Variants in QRICH1 observed in about 807,000 individuals in gnomAD.
QRICH1 encodes the protein transcriptional regulator QRICH1.
In QRICH1, 16 loss-of-function variants were observed where a neutral mutation model predicts 87.1. That is an observed-to-expected ratio of 0.18 (90% CI 0.12 to 0.28). QRICH1 has a LOEUF of 0.28. Ranked by LOEUF, QRICH1 falls within the 10% of genes least tolerant of loss-of-function variation. QRICH1 has a pLI of 1.00. For synonymous variants in QRICH1, 367 were observed against 368.4 expected (o/e 1.00, Z 0.05); for missense variants, 647 against 951.7 (o/e 0.68, Z 4.21).
chr3:49,048,112 GACA>G (rs1046245337), intron 3 of QRICH1, among the ~76,000 whole-genome samples: 4 of 146,840 alleles, frequency 2.7e-5, no homozygotes, highest in Admixed American at 7.1e-5. Flanking sequence ...TAGGAACTGA[GACA>G]ACATTTCTTT....
At chr3:49,093,884 G>A (rs1421279855) in intron 1 of QRICH1, 28 bp downstream of exon 1, 16 of 148,070 alleles carry the variant, frequency 1.1e-4, no homozygotes, top group Admixed American at 2.2e-4. Flanking sequence ...CAGCTTCGCC[G>A]CATCCCCACC....
chr3:49,090,287 G>A lies in QRICH1; in HGVS notation c.-22+3625C>T, dbSNP rs151280642. Among the ~76,000 whole-genome samples, 6 of 152,268 alleles carry A rather than the reference G, an allele frequency of 3.9e-5. No homozygotes were observed. In the East Asian group the frequency reaches 9.6e-4, roughly 24 times the overall value. Reference sequence around the variant, plus strand: ...ATGCTGGCTAACACGGTGAAACCCCGTCTCTACTAAAACTACAAAAAATTA... The same window carrying A: ...ATGCTGGCTAACACGGTGAAACCCCATCTCTACTAAAACTACAAAAAATTA... On this transcript the variant is annotated intron_variant, in intron 1 of 9. Transcript: ENST00000395443.
chr3:49,044,251 T>C (rs1042416042), intron 6 of QRICH1, 139 bp downstream of exon 6: 6 of 691,254 alleles, frequency 8.7e-6, no homozygotes, highest in African/African-American at 7.4e-5. Flanking sequence ...TCAGGGCAAG[T>C]AGCACAGTGG....
chr3:49,057,743 T>C lies in QRICH1; in HGVS notation c.457A>G (p.Thr153Ala), dbSNP rs921374334. ...APQSAAPSIQTPSLQSPSPSQ... is the reference protein window; with the variant it reads ...APQSAAPSIQAPSLQSPSPSQ... ...GGACTGGGACTCTGCAGAGACGGGG[T>C]CTGAATGGAGGGGGCTGCTGACTGT... is the stretch of plus-strand genomic sequence containing the variant. Residue 153 changes from threonine (T) to alanine (A), a missense_variant, in exon 3 of 10, where the codon ACC becomes GCC. Thr to Ala is a moderately conservative substitution (Grantham distance 58). Coordinates refer to ENST00000395443, the MANE Select transcript of QRICH1 (RefSeq NM_198880.3). The surrounding 1 kb of genome is among the most constrained non-coding windows in gnomAD (Gnocchi z 5.4). 2.7e-5 allele frequency: 44 copies of C among 1,613,766 alleles called. No individual in the cohort carries two copies. The highest frequency in any genetic ancestry group is 3.6e-5 in the Non-Finnish European group (43 of 1,179,970).
intron 2 of QRICH1, among the ~76,000 whole-genome samples, chr3:49,058,654 G>A (rs574891471): frequency 4.0e-5 from 6 of 151,264 alleles, no homozygotes; most frequent in African/African-American, 1.2e-4. Flanking sequence ...TTGAGGCGGA[G>A]TTTTGCTCTT....
intron 3 of QRICH1, among the ~76,000 whole-genome samples, chr3:49,049,336 T>C (rs1180893508): frequency 6.6e-6 from 1 of 151,748 alleles, no homozygotes; most frequent in Admixed American, 6.6e-5. Context: ...TCTCAGCTAC[T>C]TGGGAGGCTG....
chr3:49,086,387 G>A (rs1167169697), intron 1 of QRICH1, among the ~76,000 whole-genome samples: 5 of 151,702 alleles, frequency 3.3e-5, no homozygotes, highest in African/African-American at 7.3e-5. Flanking sequence ...CTCCCAAGTA[G>A]CTGGGACTAC....
chr3:49,083,645 C>T (rs1374250598), intron 1 of QRICH1: 1 of 152,130 alleles, frequency 6.6e-6, no homozygotes, highest in East Asian at 1.9e-4. Flanking sequence ...CGCCTGTAGT[C>T]CCAGCTACTT....
chr3:49,040,605 T>C (rs2093304327), intron 6 of QRICH1, among the ~76,000 whole-genome samples: 2 of 152,298 alleles, frequency 1.3e-5, no homozygotes, highest in East Asian at 1.9e-4. Context: ...CTCAAAAAAT[T>C]TGTCTAACCA....
rs139938550 is a variant in QRICH1, at chr3:49,076,916, C to T, written c.102G>A (p.Leu34=). ...QHRMKEFLDS[L]ASKGPEALQE... The stretch of plus-strand genomic sequence containing the variant: ...GAAGGGCTTCTGGCCCCTTAGAGGC[C>T]AGTGAGTCCAGAAATTCCTTCATCC... The change falls in exon 2 of 10, where the codon CTG becomes CTA. Residue 34 remains leucine (L), a synonymous_variant. Transcript: ENST00000395443. 8.1e-6 allele frequency: 13 copies of T among 1,613,172 alleles called. No individual in the cohort carries two copies. Among genetic ancestry groups the T allele is most frequent in the African/African-American group, 1.3e-5 (1 of 74,892 alleles).
At chr3:49,053,304 TG>T (rs2093382107) in intron 3 of QRICH1, among the ~76,000 whole-genome samples, 1 of 151,920 alleles carries the variant, frequency 6.6e-6, no homozygotes, top group African/African-American at 2.4e-5. Flanking sequence ...CTGACTAACA[TG>T]GTGAAACCTT....
chr3:49,045,965 GAGTA>G (rs1194622080), intron 5 of QRICH1, among the ~76,000 whole-genome samples: 1 of 150,842 alleles, frequency 6.6e-6, no homozygotes, highest in African/African-American at 2.4e-5. Flanking sequence ...ACCCAGACTG[GAGTA>G]AAATGCTGTG....
Position 49,076,988 on chromosome 3 carries a change from G to C in QRICH1, c.30C>G (p.Ser10=). The change falls in exon 2 of 10, where the codon TCC becomes TCG. Residue 10 remains serine (S), a synonymous_variant. Coordinates refer to ENST00000395443, the MANE Select transcript of QRICH1 (RefSeq NM_198880.3). The part of the protein sequence containing the change: MNNSLENTI[S]FEEYIRVKAR... ...CCTTTACTCGGATGTACTCTTCAAA[G>C]GAGATGGTGTTCTCTAGGGAATTAT... is the stretch of plus-strand genomic sequence containing the variant. The C allele has an allele frequency of 6.5e-7, 1 of 1,527,472 alleles. No homozygotes were observed. The highest frequency in any genetic ancestry group is 8.9e-7 in the Non-Finnish European group (1 of 1,128,718). The allele number at this position is 1,527,472 out of a possible 1,614,324, so 94.6% of individuals were successfully genotyped here. A position where few individuals can be genotyped will look rare whatever the true frequency, so the allele number is the denominator to read the frequency against.
intron 6 of QRICH1, among the ~76,000 whole-genome samples, chr3:49,041,819 G>A (rs1315743733): frequency 2.0e-5 from 3 of 151,822 alleles, no homozygotes; most frequent in South Asian, 2.1e-4. Context: ...TAGTAGAGAC[G>A]GGGTTTCACA....
chr3:49,065,302 G>C (rs539703486), intron 2 of QRICH1, among the ~76,000 whole-genome samples: 2 of 152,084 alleles, frequency 1.3e-5, no homozygotes, highest in South Asian at 2.1e-4. Context: ...ATGCCACCAT[G>C]TCCGGCTAAT....
rs374286707 is a variant in QRICH1, at chr3:49,065,682, CTCTT to C, written c.310-7796_310-7793del. On this transcript the variant is annotated intron_variant, in intron 2 of 9. Coordinates refer to ENST00000395443, the MANE Select transcript of QRICH1 (RefSeq NM_198880.3). ...TGCTTGGAGGCTACCAGGAGTCTCT[CTCTT>C]TTTTTTTTTTTTGAGACGGAGTCTC... Among the ~76,000 whole-genome samples, 1,461 of 151,530 alleles carry C rather than the reference CTCTT, an allele frequency of 9.6e-3. 9 individuals are homozygous for C. The highest frequency in any genetic ancestry group is 0.034 in the Middle Eastern group (10 of 292).
chr3:49,069,502 C>T (rs1013564115), intron 2 of QRICH1, among the ~76,000 whole-genome samples: 27 of 150,558 alleles, frequency 1.8e-4, no homozygotes, highest in Non-Finnish European at 3.5e-4. Flanking sequence ...CCACAAAGAG[C>T]ACTCTAAAAG....
chr3:49,063,518 C>T (rs904901789), intron 2 of QRICH1, among the ~76,000 whole-genome samples: 3 of 152,078 alleles, frequency 2.0e-5, no homozygotes, highest in South Asian at 2.1e-4. Context: ...GGCTGGGCAT[C>T]GTGGTCATGC....
At chr3:49,037,732 CA>C (rs1335399505) in intron 6 of QRICH1, among the ~76,000 whole-genome samples, 253 of 130,050 alleles carry the variant, frequency 1.9e-3, no homozygotes, top group Middle Eastern at 4.0e-3. Context: ...ACTCTGTATC[CA>C]AAAAAAAAAA....
Sources: allele counts gnomAD v4.1 joint callset (sites outside exome capture counted in the v4.1 genomes callset), GRCh38; gene constraint gnomAD v4.1.1; non-coding constraint Gnocchi (gnomAD v3.1); transcripts MANE v1.5; gene names NCBI Gene and HGNC (gene_info 2026-07-23, HGNC 2026-07-21).